FNBP1L: variants seen among roughly 807,000 people sequenced by gnomAD.
FNBP1L encodes formin binding protein 1 like.
Under a neutral mutation model 91.2 loss-of-function variants are expected in FNBP1L, and 36 were observed. The ratio of observed to expected loss-of-function variants is 0.39; its 90% CI spans 0.30 to 0.52. The LOEUF (loss-of-function observed/expected upper bound fraction) is 0.52, where lower values mean the gene tolerates loss of function less well. Among genes scored for constraint, FNBP1L ranks in the 20% least tolerant of loss-of-function variants. FNBP1L has a pLI of 0.66. For missense variants in FNBP1L, 571 were observed against 732.1 expected (o/e 0.78, Z 2.54); for synonymous variants, 242 against 237.0 (o/e 1.02, Z -0.19).
intron 1 of FNBP1L, among the ~76,000 whole-genome samples, chr1:93,461,371 C>T (rs1287099754): frequency 6.6e-6 from 1 of 152,074 alleles, no homozygotes; most frequent in Non-Finnish European, 1.5e-5. Flanking sequence ...TTTTCTTAAT[C>T]AGGTGCTTAA....
intron 2 of FNBP1L, among the ~76,000 whole-genome samples, chr1:93,518,904 TG>T (rs1203977664): frequency 6.6e-6 from 1 of 152,236 alleles, no homozygotes; most frequent in East Asian, 1.9e-4. Flanking sequence ...ATCTATTTTC[TG>T]TATCTGAATT....
intron 1 of FNBP1L, among the ~76,000 whole-genome samples, chr1:93,472,410 G>C (rs769197217): frequency 6.6e-6 from 1 of 152,042 alleles, no homozygotes; most frequent in African/African-American, 2.4e-5. Context: ...TATAAATTCA[G>C]ATATTTCTGT....
rs145708510 is a variant in FNBP1L at position 93,539,037 on chromosome 1, C to T, written c.1150-2005C>T. 5.3e-4 allele frequency among the ~76,000 whole-genome samples: 80 copies of T among 152,042 alleles called. 2 individuals are homozygous for T. The East Asian group carries it at 0.01, about 19-fold the overall frequency. On this transcript the variant is annotated intron_variant, in intron 10 of 16. Transcript: ENST00000271234. ...GTTAATGGATATTTGAGGATATACT[C>T]GAACTTAACTACTTAAAAACAAACT...
intron 2 of FNBP1L, among the ~76,000 whole-genome samples, chr1:93,510,826 G>A (rs1253186554): frequency 6.6e-6 from 1 of 152,132 alleles, no homozygotes; most frequent in African/African-American, 2.4e-5. Flanking sequence ...CTCAGGAGCC[G>A]ATGGGATCAA....
In FNBP1L at chr1:93,448,210, A is replaced by G; in HGVS notation, c.-72A>G. 1 of 1,508,022 alleles carries G rather than the reference A, an allele frequency of 6.6e-7. No homozygotes were observed. The highest frequency in any genetic ancestry group is 8.9e-7 in the Non-Finnish European group (1 of 1,125,996). 93.4% of individuals were successfully genotyped at this position (1,508,022 alleles called of 1,614,324 possible). Reference sequence around the variant, plus strand: ...CTGCTAGCCCGCCGGCCAGCGAGTGAGAGGTCGGACAGACTGTGGAGCCGA... The same window carrying G: ...CTGCTAGCCCGCCGGCCAGCGAGTGGGAGGTCGGACAGACTGTGGAGCCGA... On this transcript the variant is annotated 5_prime_UTR_variant, in exon 1 of 17. Transcript: ENST00000271234.
chr1:93,514,984 C>T (rs568352344), intron 2 of FNBP1L, among the ~76,000 whole-genome samples: 1 of 152,094 alleles, frequency 6.6e-6, no homozygotes, highest in South Asian at 2.1e-4. Context: ...AACAGGCAAC[C>T]TACAAAATGG....
chr1:93,536,286 CTA>C, intron 9 of FNBP1L, 44 bp from the exon 10 acceptor site: 2 of 1,316,302 alleles, frequency 1.5e-6, no homozygotes, highest in Non-Finnish European at 2.0e-6. Flanking sequence ...TAGGAGAAAA[CTA>C]TGCACATTTG....
At chr1:93,454,537 T>C (rs1257010058) in intron 1 of FNBP1L, among the ~76,000 whole-genome samples, 4 of 152,218 alleles carry the variant, frequency 2.6e-5, no homozygotes, top group Non-Finnish European at 5.9e-5. Context: ...GCTGCAAGAA[T>C]ATTTGAAGGA....
intron 9 of FNBP1L, among the ~76,000 whole-genome samples, chr1:93,535,972 G>A (rs1671834515): frequency 6.6e-6 from 1 of 152,030 alleles, no homozygotes; most frequent in Non-Finnish European, 1.5e-5. Context: ...AACTTTAGGT[G>A]TAGCTGCCAG....
rs980017378 is a variant in FNBP1L, at chr1:93,495,363, A to G, written c.25-4105A>G. ...AGGAAAGATGTGTTGAGAAAGATTT[A>G]TTCTTAACAGTAAATGTATTAACCA... On this transcript the variant is annotated intron_variant, in intron 1 of 16. Transcript: ENST00000271234. 3.9e-5 allele frequency among the ~76,000 whole-genome samples: 6 copies of G among 152,324 alleles called. No homozygotes were observed. In the South Asian group the frequency reaches 1.2e-3, roughly 32 times the overall value.
rs1668770516 is a variant in FNBP1L, at chr1:93,459,100, C to CA, written c.24+10796dup. Among the ~76,000 whole-genome samples the CA allele has an allele frequency of 3.3e-5, 5 of 152,168 alleles. No homozygotes were observed. In the South Asian group the frequency reaches 1.0e-3, roughly 31 times the overall value. On this transcript the variant is annotated intron_variant, in intron 1 of 16. Coordinates refer to ENST00000271234, the MANE Select transcript of FNBP1L (RefSeq NM_001164473.3). ...GACCAGCCTAGGCAACATGACAAAA[C>CA]ACCGTCTCCACTAAAAATACAGAAA...
chr1:93,539,317 G>A (rs974338558), intron 10 of FNBP1L, among the ~76,000 whole-genome samples: 1 of 151,806 alleles, frequency 6.6e-6, no homozygotes, highest in Non-Finnish European at 1.5e-5. Flanking sequence ...ATGTAGTTGA[G>A]TATATGAAGT....
At chr1:93,463,464 T>C (rs548981289) in intron 1 of FNBP1L, among the ~76,000 whole-genome samples, 1 of 152,176 alleles carries the variant, frequency 6.6e-6, no homozygotes, top group Non-Finnish European at 1.5e-5. Context: ...AAACCATAAG[T>C]TGGGGACCGT....
chr1:93,526,565 C>T (rs1263936995), intron 5 of FNBP1L, among the ~76,000 whole-genome samples: 1 of 152,162 alleles, frequency 6.6e-6, no homozygotes, highest in African/African-American at 2.4e-5. Flanking sequence ...AATTAGATTA[C>T]TTACCTCTGC....
At chr1:93,480,271 T>TCCATCCGCATACCA (rs1669650757) in intron 1 of FNBP1L, among the ~76,000 whole-genome samples, 1 of 152,204 alleles carries the variant, frequency 6.6e-6, no homozygotes, top group African/African-American at 2.4e-5. Flanking sequence ...GGCCACTTGT[T>TCCATCCGCATACCA]CCATCCGCAT....
intron 2 of FNBP1L, among the ~76,000 whole-genome samples, chr1:93,500,884 T>A (rs1670423162): frequency 6.6e-6 from 1 of 152,198 alleles, no homozygotes; most frequent in South Asian, 2.1e-4. Context: ...TTCCCTCCTG[T>A]TTGTTTAAAC....
chr1:93,506,200 A>G (rs940383892), intron 2 of FNBP1L, among the ~76,000 whole-genome samples: 1 of 152,074 alleles, frequency 6.6e-6, no homozygotes, highest in Non-Finnish European at 1.5e-5. Context: ...GCTAGGTCAC[A>G]GAAAAAAATA....
At chr1:93,459,653 A>G (rs1668793814) in intron 1 of FNBP1L, among the ~76,000 whole-genome samples, 1 of 152,222 alleles carries the variant, frequency 6.6e-6, no homozygotes, top group East Asian at 1.9e-4. Flanking sequence ...CATTATGGAA[A>G]ACAATATGAC....
At chr1:93,499,707 T>G in intron 2 of FNBP1L, 124 bp downstream of exon 2, 1 of 623,024 alleles carries the variant, frequency 1.6e-6, no homozygotes, top group Non-Finnish European at 2.8e-6. Context: ...TTGAATTAGG[T>G]AACCGGTTTG....
Sources: gnomAD v4.1 joint callset for allele counts (sites outside exome capture counted in the v4.1 genomes callset) on GRCh38, gnomAD v4.1.1 for gene constraint, MANE v1.5 for transcripts, NCBI Gene and HGNC (gene_info 2026-07-23, HGNC 2026-07-21) for gene names.